Variants in SMAD2 observed in about 807,000 individuals in gnomAD.
The protein encoded by SMAD2 is SMAD family member 2.
Under a neutral mutation model 64.4 loss-of-function variants are expected in SMAD2, and 8 were observed. The ratio of observed to expected loss-of-function variants is 0.12; its 90% CI spans 0.07 to 0.22. The LOEUF (loss-of-function observed/expected upper bound fraction) is 0.22, where lower values mean the gene tolerates loss of function less well. Ranked by LOEUF, SMAD2 falls within the 10% of genes least tolerant of loss-of-function variation. SMAD2 has a pLI of 1.00. For synonymous variants in SMAD2, 203 were observed against 195.8 expected (o/e 1.04, Z -0.31); for missense variants, 289 against 561.2 (o/e 0.51, Z 4.90).
chr18:47,879,877 G>A (rs1472799677), intron 2 of SMAD2, among the ~76,000 whole-genome samples: 1 of 152,094 alleles, frequency 6.6e-6, no homozygotes, highest in African/African-American at 2.4e-5. Flanking sequence ...ATTATAGGTA[G>A]TCTGATGATT....
In SMAD2 at chr18:47,814,729, A is replaced by G. The variant is rs1408431700; in HGVS notation, c.*27098T>C. 6.6e-6 allele frequency: 1 copy of G among 152,274 alleles called. No individual in the cohort carries two copies. The highest frequency in any genetic ancestry group is 1.5e-5 in the Non-Finnish European group (1 of 68,082). The allele number at this position is 152,274 out of a possible 1,614,324, so 9.4% of individuals were successfully genotyped here. A position where few individuals can be genotyped will look rare whatever the true frequency, so the allele number is the denominator to read the frequency against. On this transcript the variant is annotated 3_prime_UTR_variant, in exon 11 of 11. Transcript: ENST00000262160. ...CAGTATGGCACAGGAGCACTAGCTC[A>G]GCATTGGTGGAAGGAGGTGTCTAGT...
intron 1 of SMAD2, among the ~76,000 whole-genome samples, chr18:47,904,322 C>T (rs1242880732): frequency 6.6e-6 from 1 of 151,198 alleles, no homozygotes; most frequent in Non-Finnish European, 1.5e-5. Context: ...CAAAGATCCC[C>T]TGCCTCAAAG....
At chr18:47,894,435 A>C (rs1253410936) in intron 2 of SMAD2, among the ~76,000 whole-genome samples, 2 of 152,178 alleles carry the variant, frequency 1.3e-5, no homozygotes, top group Non-Finnish European at 2.9e-5. Flanking sequence ...GCACAGCATG[A>C]AGTGACTCCT....
chr18:47,879,688 C>G (rs542400993), intron 2 of SMAD2, among the ~76,000 whole-genome samples: 3 of 151,834 alleles, frequency 2.0e-5, no homozygotes. Context: ...CTTTTTTTCT[C>G]GGGTAAACAC....
chr18:47,876,893 T>A (rs1171306374), intron 2 of SMAD2, among the ~76,000 whole-genome samples: 1 of 152,090 alleles, frequency 6.6e-6, no homozygotes, highest in African/African-American at 2.4e-5. Context: ...TTACTACTTT[T>A]TTTGCGTTAA....
rs1285798593 is a variant in SMAD2 at position 47,820,931 on chromosome 18, ACACACACAC to A, written c.*20887_*20895del. 1 of 116,082 alleles carries A rather than the reference ACACACACAC, an allele frequency of 8.6e-6. No individual in the cohort carries two copies. The highest frequency in any genetic ancestry group is 2.9e-5 in the African/African-American group (1 of 34,066). The allele number at this position is 116,082 out of a possible 1,614,324, so 7.2% of individuals were successfully genotyped here. ...CACACACACACACACACACACACAC[ACACACACAC>A]AAAATTTGGTCCCCAATGTTAGAAC... On this transcript the variant is annotated 3_prime_UTR_variant, in exon 11 of 11. Coordinates refer to ENST00000262160, the MANE Select transcript of SMAD2 (RefSeq NM_005901.6).
chr18:47,915,941 C>T (rs2034317562), intron 1 of SMAD2, among the ~76,000 whole-genome samples: 1 of 152,132 alleles, frequency 6.6e-6, no homozygotes, highest in African/African-American at 2.4e-5. Context: ...TTTGAAAGTT[C>T]TCTTGTATTC....
intron 2 of SMAD2, among the ~76,000 whole-genome samples, chr18:47,883,443 C>T (rs528713560): frequency 6.6e-6 from 1 of 152,174 alleles, no homozygotes; most frequent in African/African-American, 2.4e-5. Flanking sequence ...ACACTTGAAA[C>T]GCTTGTATTT....
chr18:47,841,379 T>G lies in SMAD2; in HGVS notation c.*448A>C, dbSNP rs1913936700. 1 of 239,782 alleles carries G rather than the reference T, an allele frequency of 4.2e-6. No homozygotes were observed. The highest frequency in any genetic ancestry group is 2.2e-5 in the African/African-American group (1 of 45,422). The allele number at this position is 239,782 out of a possible 1,614,324, so 14.9% of individuals were successfully genotyped here. A position where few individuals can be genotyped will look rare whatever the true frequency, so the allele number is the denominator to read the frequency against. Reference sequence around the variant, plus strand: ...AAGACACACAAAAATAACAGAGAAGTGGGAATAACAGATTAGGTACTGCAA... The same window carrying G: ...AAGACACACAAAAATAACAGAGAAGGGGGAATAACAGATTAGGTACTGCAA... On this transcript the variant is annotated 3_prime_UTR_variant, in exon 11 of 11. Transcript: ENST00000262160.
At chr18:47,876,328 GA>G (rs1452674718) in intron 2 of SMAD2, among the ~76,000 whole-genome samples, 1 of 151,988 alleles carries the variant, frequency 6.6e-6, no homozygotes, top group Non-Finnish European at 1.5e-5. Flanking sequence ...AAATTAATGT[GA>G]AATATTACAA....
intron 1 of SMAD2, among the ~76,000 whole-genome samples, chr18:47,909,749 C>G (rs984512623): frequency 7.6e-4 from 115 of 152,290 alleles, no homozygotes; most frequent in African/African-American, 2.7e-3. Flanking sequence ...TGCTTTGTCC[C>G]TGAAGTCAAG....
rs1913425573 is a variant in SMAD2, at chr18:47,836,489, A to G, written c.*5338T>C. 9.1e-6 allele frequency: 2 copies of G among 220,234 alleles called. No homozygotes were observed. The allele number at this position is 220,234 out of a possible 1,614,324, so 13.6% of individuals were successfully genotyped here. A position where few individuals can be genotyped will look rare whatever the true frequency, so the allele number is the denominator to read the frequency against. Reference sequence around the variant, plus strand: ...ATTAATGTACTCCAATGGTCTGTCCATGAAAGGAAAATGTACACAGACAAA... The same window carrying G: ...ATTAATGTACTCCAATGGTCTGTCCGTGAAAGGAAAATGTACACAGACAAA... On this transcript the variant is annotated 3_prime_UTR_variant, in exon 11 of 11. Transcript: ENST00000262160.
chr18:47,892,467 T>C (rs946029686), intron 2 of SMAD2, among the ~76,000 whole-genome samples: 48 of 152,246 alleles, frequency 3.2e-4, no homozygotes, highest in African/African-American at 1.1e-3. Flanking sequence ...CCCAAAGTGC[T>C]AGGATTACAG....
Position 47,848,672 on chromosome 18 carries a change from G to C in SMAD2, c.800C>G (p.Thr267Ser), listed in dbSNP as rs2144301011. ...ACACCAAAATGCAGGTTCTGAGTAA[G>C]TAACTGGCTGTAAATCTGAAAAAGA... is the stretch of plus-strand genomic sequence containing the variant. ...VNHSLDLQPVTYSEPAFWCSI... is the reference protein window; with the variant it reads ...VNHSLDLQPVSYSEPAFWCSI... The change falls in exon 8 of 11, where the codon ACT becomes AGT. Residue 267 changes from threonine to serine, a missense_variant. Thr to Ser is a moderately conservative substitution (Grantham distance 58). Coordinates refer to ENST00000262160, the MANE Select transcript of SMAD2 (RefSeq NM_005901.6). 6.2e-7 allele frequency: 1 copy of C among 1,610,978 alleles called. No individual in the cohort carries two copies. Among genetic ancestry groups the C allele is most frequent in the Non-Finnish European group, 8.5e-7 (1 of 1,177,656 alleles).
At chr18:47,843,384 C>T (rs959640959) in intron 10 of SMAD2, among the ~76,000 whole-genome samples, 19 of 152,154 alleles carry the variant, frequency 1.2e-4, no homozygotes, top group Admixed American at 1.2e-3. Context: ...CTGCCCTGTT[C>T]TCCCCTGTCC....
chr18:47,850,131 G>C lies in SMAD2; in HGVS notation c.784+1143C>G, dbSNP rs564517330. Among the ~76,000 whole-genome samples, 6 of 128,104 alleles carry C rather than the reference G, an allele frequency of 4.7e-5. No individual in the cohort carries two copies. The South Asian group carries it at 1.4e-3, about 29-fold the overall frequency. The allele number at this position is 128,104 out of a possible 152,430, so 84.0% of individuals were successfully genotyped here. On this transcript the variant is annotated intron_variant, in intron 7 of 10. Transcript: ENST00000262160. ...CTGCAGATGCTGAACTCATGGTTATGAAGGGACCATACACATACACATTTG... is the reference window on the plus strand; with the variant it reads ...CTGCAGATGCTGAACTCATGGTTATCAAGGGACCATACACATACACATTTG...
At chr18:47,904,799 AG>A (rs1474354814) in intron 1 of SMAD2, among the ~76,000 whole-genome samples, 2 of 152,226 alleles carry the variant, frequency 1.3e-5, no homozygotes, top group African/African-American at 4.8e-5. Context: ...GCGAGAAAAA[AG>A]GTATCTGAAA....
At chr18:47,846,505 A>C (rs1914504985) in intron 8 of SMAD2, among the ~76,000 whole-genome samples, 1 of 152,222 alleles carries the variant, frequency 6.6e-6, no homozygotes, top group Non-Finnish European at 1.5e-5. Context: ...GATGTAATTA[A>C]GGCAGCAAAT....
At chr18:47,870,443 C>T (rs2031863758) in intron 3 of SMAD2, 32 bp downstream of exon 3, 3 of 1,511,260 alleles carry the variant, frequency 2.0e-6, no homozygotes, top group Non-Finnish European at 2.8e-6. Context: ...CCCACAAGAT[C>T]TCTAAGATTC....
Sources: allele counts gnomAD v4.1 joint callset (sites outside exome capture counted in the v4.1 genomes callset), GRCh38; gene constraint gnomAD v4.1.1; transcripts MANE v1.5; gene names NCBI Gene and HGNC (gene_info 2026-07-23, HGNC 2026-07-21).